Variants in ADAM12 observed in about 807,000 individuals in gnomAD.
ADAM12 encodes disintegrin and metalloproteinase domain-containing protein 12.
ADAM12 carries 70 observed loss-of-function variants against 106.4 expected under a neutral mutation model. That is an observed-to-expected ratio of 0.66 (90% CI 0.54 to 0.80). The LOEUF (loss-of-function observed/expected upper bound fraction) is 0.80. Ranked by LOEUF, ADAM12 falls within the 30% of genes least tolerant of loss-of-function variation. The pLI, the probability that ADAM12 is intolerant of heterozygous loss-of-function variation, is 0.00. For missense variants in ADAM12, 1,010 were observed against 1,171.9 expected (o/e 0.86, Z 2.02); for synonymous variants, 420 against 433.5 (o/e 0.97, Z 0.39).
intron 3 of ADAM12, chr10:126,273,391 G>T (rs572327236): frequency 6.6e-6 from 1 of 152,556 alleles, no homozygotes; most frequent in Admixed American, 6.5e-5. Flanking sequence ...AAGGGCTTCT[G>T]CTGGTTTGCC....
At chr10:126,102,199 G>A (rs866501038) in intron 8 of ADAM12, among the ~76,000 whole-genome samples, 6 of 152,236 alleles carry the variant, frequency 3.9e-5, no homozygotes, top group Non-Finnish European at 7.4e-5. Flanking sequence ...ACATAGACAA[G>A]CAGATGGCTT....
chr10:126,089,688 A>C (rs755379248), intron 11 of ADAM12, among the ~76,000 whole-genome samples: 1 of 151,954 alleles, frequency 6.6e-6, no homozygotes, highest in East Asian at 1.9e-4. Flanking sequence ...TGGTTCCTCC[A>C]TTTCTACCCA....
At chr10:126,290,501 G>T (rs545464582) in intron 2 of ADAM12, among the ~76,000 whole-genome samples, 2 of 152,162 alleles carry the variant, frequency 1.3e-5, no homozygotes, top group Non-Finnish European at 2.9e-5. Context: ...TGGTAAAAAG[G>T]CTGTTTGGAA....
chr10:126,164,164 T>C (rs985908316), intron 3 of ADAM12, among the ~76,000 whole-genome samples: 4 of 152,246 alleles, frequency 2.6e-5, no homozygotes, highest in African/African-American at 4.8e-5. Context: ...AAAAAACTCA[T>C]TGATGACATG....
intron 3 of ADAM12, among the ~76,000 whole-genome samples, chr10:126,232,751 C>T (rs1480879572): frequency 1.3e-5 from 2 of 152,140 alleles, no homozygotes; most frequent in Admixed American, 6.5e-5. Context: ...GTGAAGATGA[C>T]ATATTATATA....
At chr10:126,382,546 T>C (rs147835995) in intron 1 of ADAM12, among the ~76,000 whole-genome samples, 1 of 152,348 alleles carries the variant, frequency 6.6e-6, no homozygotes, top group East Asian at 1.9e-4. Flanking sequence ...GGATTCTTCC[T>C]TGGAGAAATT....
At chr10:126,195,394 G>A (rs1957578519) in intron 3 of ADAM12, among the ~76,000 whole-genome samples, 1 of 152,128 alleles carries the variant, frequency 6.6e-6, no homozygotes, top group South Asian at 2.1e-4. Flanking sequence ...GGCCAACATG[G>A]TGAAACCCCA....
chr10:126,074,060 G>T (rs1181868093), intron 11 of ADAM12, among the ~76,000 whole-genome samples: 1 of 152,068 alleles, frequency 6.6e-6, no homozygotes, highest in African/African-American at 2.4e-5. Flanking sequence ...AGTTTTCCTA[G>T]GACATATATG....
At chr10:126,033,234 AATCAGCTG>A (rs1954000550) in intron 21 of ADAM12, among the ~76,000 whole-genome samples, 1 of 152,206 alleles carries the variant, frequency 6.6e-6, no homozygotes, top group African/African-American at 2.4e-5. Context: ...ATACCAGAGA[AATCAGCTG>A]TAAATCAGAA....
intron 1 of ADAM12, among the ~76,000 whole-genome samples, chr10:126,339,044 AG>A (rs1854824003): frequency 6.6e-6 from 1 of 152,192 alleles, no homozygotes; most frequent in Non-Finnish European, 1.5e-5. Context: ...CAACTTGGGC[AG>A]CACTCTGTGA....
At chr10:126,251,700 ATGG>A in intron 3 of ADAM12, among the ~76,000 whole-genome samples, 3 of 150,338 alleles carry the variant, frequency 2.0e-5, no homozygotes, top group African/African-American at 7.4e-5. Flanking sequence ...GATGGGATGG[ATGG>A]ATAGGATGGA....
chr10:126,356,431 G>T (rs1436717045), intron 1 of ADAM12, among the ~76,000 whole-genome samples: 1 of 152,206 alleles, frequency 6.6e-6, no homozygotes, highest in African/African-American at 2.4e-5. Context: ...AGCAAGCTTT[G>T]CCTGCCTGGG....
At chr10:126,180,921 A>T (rs1034667564) in intron 3 of ADAM12, among the ~76,000 whole-genome samples, 2 of 152,238 alleles carry the variant, frequency 1.3e-5, no homozygotes, top group African/African-American at 4.8e-5. Context: ...AGGAAGAAGT[A>T]CAAGTCTGAA....
intron 2 of ADAM12, among the ~76,000 whole-genome samples, chr10:126,289,569 T>A (rs534282603): frequency 6.6e-6 from 1 of 152,276 alleles, no homozygotes; most frequent in East Asian, 1.9e-4. Context: ...CATTTCAGCA[T>A]CCTCGGACCA....
chr10:126,047,281 T>C lies in ADAM12; in HGVS notation c.1918-1149A>G, dbSNP rs117716426. Among the ~76,000 whole-genome samples, 242 of 152,162 alleles carry C rather than the reference T, an allele frequency of 1.6e-3. 6 individuals carry two copies. The East Asian group carries it at 0.042, about 27-fold the overall frequency. On this transcript the variant is annotated intron_variant, in intron 16 of 22. Transcript: ENST00000448723. ...GTCACCATCCGACCCCAACAGCTCA[T>C]ATAAGGGCAAGAGGCATAGCCTTTG...
At chr10:126,170,772 C>A (rs1385861297) in intron 3 of ADAM12, among the ~76,000 whole-genome samples, 1 of 152,192 alleles carries the variant, frequency 6.6e-6, no homozygotes, top group Non-Finnish European at 1.5e-5. Flanking sequence ...GAAACTACAA[C>A]AAGAAGTACT....
chr10:126,200,527 A>G (rs1475601266), intron 3 of ADAM12, among the ~76,000 whole-genome samples: 1 of 152,102 alleles, frequency 6.6e-6, no homozygotes, highest in Non-Finnish European at 1.5e-5. Flanking sequence ...TGGGCAAGGG[A>G]TTTGCCTCCC....
chr10:126,385,381 C>A (rs1856627291), intron 1 of ADAM12, among the ~76,000 whole-genome samples: 1 of 152,170 alleles, frequency 6.6e-6, no homozygotes, highest in African/African-American at 2.4e-5. Flanking sequence ...TCTAATCATG[C>A]CTTAACAAGC....
rs1959415884 is a variant in ADAM12 at position 126,278,961 on chromosome 10, G to A, written c.214C>T (p.Leu72=). The part of the protein sequence containing the change: ...KNHPEVLNIR[L]QRESKELIIN... The stretch of plus-strand genomic sequence containing the variant: ...ATCAGTTCTTTGCTTTCCCGTTGTA[G>A]TCGAATATTCAGCACTTCTGGATGA... Residue 72 remains leucine (L), a synonymous_variant, in exon 3 of 23, where the codon CTA becomes TTA. Transcript: ENST00000448723. 1 of 1,613,222 alleles carries A rather than the reference G, an allele frequency of 6.2e-7. No homozygotes were observed. Among genetic ancestry groups the A allele is most frequent in the Non-Finnish European group, 8.5e-7 (1 of 1,179,416 alleles).
Sources: allele counts gnomAD v4.1 joint callset (sites outside exome capture counted in the v4.1 genomes callset), GRCh38; gene constraint gnomAD v4.1.1; transcripts MANE v1.5; gene names NCBI Gene and HGNC (gene_info 2026-07-23, HGNC 2026-07-21).